HACE1: variants seen among roughly 807,000 people sequenced by gnomAD.
HACE1 encodes HECT domain and ankyrin repeat containing E3 ubiquitin protein ligase 1, also known as E3 ubiquitin-protein ligase HACE1.
In HACE1, 73 loss-of-function variants were observed where a neutral mutation model predicts 118.4. The ratio of observed to expected loss-of-function variants is 0.62; its 90% CI spans 0.51 to 0.75. HACE1 has a LOEUF of 0.75. Among genes scored for constraint, HACE1 ranks in the 30% least tolerant of loss-of-function variants. The probability of loss-of-function intolerance (pLI) is 0.00; values close to 1 mark genes in which losing one functional copy is unlikely to be tolerated. For missense variants in HACE1, 749 were observed against 1,102.2 expected (o/e 0.68, Z 4.54); for synonymous variants, 368 against 374.8 (o/e 0.98, Z 0.21).
intron 6 of HACE1, among the ~76,000 whole-genome samples, chr6:104,822,616 G>T (rs1276326688): frequency 6.6e-6 from 1 of 151,996 alleles, no homozygotes; most frequent in Non-Finnish European, 1.5e-5. Flanking sequence ...TAGCACTTTG[G>T]GAGGCCGAGG....
At chr6:104,834,882 A>G (rs956937871) in intron 5 of HACE1, among the ~76,000 whole-genome samples, 5 of 152,202 alleles carry the variant, frequency 3.3e-5, no homozygotes, top group African/African-American at 4.8e-5. Flanking sequence ...CCCCTCCCCA[A>G]CTGTGCAAGG....
At position 104,797,008 on chromosome 6, in the gene HACE1, G is replaced by C; in HGVS notation, c.635C>G (p.Thr212Arg). ...TCCTCGTAATAGTAGGATCTGTGCT[G>C]TATCTCTCTGACCATGACTGTGTGG... Reference protein sequence around the residue: ...YFACSHGQRDTAQILLLRGAK... With the variant: ...YFACSHGQRDRAQILLLRGAK... The change falls in exon 8 of 24, where the codon ACA (threonine) becomes AGA (arginine). Residue 212 changes from threonine (T) to arginine (R), a missense_variant. Coordinates refer to ENST00000262903, the MANE Select transcript of HACE1 (RefSeq NM_020771.4). The C allele has an allele frequency of 6.3e-7, 1 of 1,584,684 alleles. No homozygotes were observed. The highest frequency in any genetic ancestry group is 8.7e-7 in the Non-Finnish European group (1 of 1,153,388).
At chr6:104,786,811 G>T (rs1442218228) in intron 11 of HACE1, 1 of 152,002 alleles carries the variant, frequency 6.6e-6, no homozygotes, top group Non-Finnish European at 1.5e-5. Flanking sequence ...AATCTGACAT[G>T]ATTACAGAAT....
chr6:104,839,409 A>G (rs1774870781), intron 5 of HACE1, among the ~76,000 whole-genome samples: 2 of 152,230 alleles, frequency 1.3e-5, no homozygotes, highest in Non-Finnish European at 2.9e-5. Flanking sequence ...ACAAACAAAA[A>G]AAGCCAATCC....
intron 19 of HACE1, among the ~76,000 whole-genome samples, chr6:104,768,590 G>T (rs909044937): frequency 6.6e-6 from 1 of 150,774 alleles, no homozygotes; most frequent in Non-Finnish European, 1.5e-5. Context: ...TACTATACTG[G>T]TAACATTAGA....
intron 14 of HACE1, chr6:104,780,507 G>A (rs887945316): frequency 1.6e-5 from 5 of 311,044 alleles, no homozygotes; most frequent in Non-Finnish European, 3.1e-5. Context: ...AGAGGTAGTT[G>A]TTCTTTTTAA....
intron 1 of HACE1, among the ~76,000 whole-genome samples, chr6:104,853,732 T>G (rs1379569961): frequency 6.6e-6 from 1 of 152,168 alleles, no homozygotes; most frequent in African/African-American, 2.4e-5. Flanking sequence ...AAATAATATA[T>G]GCTCAATATC....
intron 6 of HACE1, among the ~76,000 whole-genome samples, chr6:104,812,401 C>T (rs930806327): frequency 3.3e-5 from 5 of 152,028 alleles, no homozygotes; most frequent in Non-Finnish European, 7.4e-5. Flanking sequence ...AATTATATTA[C>T]ACCACTGCAC....
intron 22 of HACE1, 42 bp downstream of exon 22, chr6:104,744,118 T>C (rs1276228615): frequency 8.0e-6 from 9 of 1,120,418 alleles, no homozygotes; most frequent in Non-Finnish European, 1.2e-5. Context: ...AAAAGCAGAA[T>C]ACATTAAATT....
chr6:104,854,889 A>G (rs1048185421), intron 1 of HACE1, among the ~76,000 whole-genome samples: 10 of 152,222 alleles, frequency 6.6e-5, no homozygotes, highest in African/African-American at 2.2e-4. Flanking sequence ...CCTTGGCAAC[A>G]TTCACAAGTT....
chr6:104,776,590 A>T (rs1781246082), intron 17 of HACE1, 151 bp downstream of exon 17: 1 of 665,668 alleles, frequency 1.5e-6, no homozygotes, highest in Non-Finnish European at 2.7e-6. Flanking sequence ...GAATGCAGAT[A>T]AAAACTCTGA....
chr6:104,782,050 T>C (rs1188687028), intron 14 of HACE1, among the ~76,000 whole-genome samples: 2 of 152,024 alleles, frequency 1.3e-5, no homozygotes, highest in Non-Finnish European at 2.9e-5. Flanking sequence ...AATTTTAATT[T>C]GGCAATTAAA....
intron 4 of HACE1, among the ~76,000 whole-genome samples, chr6:104,848,520 T>G (rs1262465602): frequency 6.6e-6 from 1 of 152,036 alleles, no homozygotes; most frequent in Non-Finnish European, 1.5e-5. Flanking sequence ...AAAAAATACT[T>G]ATTTTCATTT....
chr6:104,743,009 G>GT (rs1293743492), intron 22 of HACE1, among the ~76,000 whole-genome samples: 4 of 152,054 alleles, frequency 2.6e-5, no homozygotes, highest in African/African-American at 4.8e-5. Context: ...CATGTTCTTC[G>GT]TAGGGACATG....
chr6:104,756,328 C>T (rs1320004212), intron 19 of HACE1, among the ~76,000 whole-genome samples: 1 of 150,122 alleles, frequency 6.7e-6, no homozygotes, highest in African/African-American at 2.4e-5. Flanking sequence ...AGGAGAATTT[C>T]TTGAACCCAG....
chr6:104,795,982 G>A lies in HACE1; in HGVS notation c.817-297C>T, dbSNP rs573915227. On this transcript the variant is annotated intron_variant, in intron 9 of 23. Transcript: ENST00000262903. Reference sequence around the variant, plus strand: ...AAAACGAAAGAGAAATTTAAATTCCGCAATTTTTCTAAGACTAAAACTATC... The same window carrying A: ...AAAACGAAAGAGAAATTTAAATTCCACAATTTTTCTAAGACTAAAACTATC... 1.4e-4 allele frequency among the ~76,000 whole-genome samples: 21 copies of A among 152,182 alleles called. No individual in the cohort carries two copies. The South Asian group carries it at 2.7e-3, about 20-fold the overall frequency.
intron 19 of HACE1, among the ~76,000 whole-genome samples, chr6:104,770,641 C>T (rs1036757141): frequency 6.6e-6 from 1 of 152,138 alleles, no homozygotes; most frequent in African/African-American, 2.4e-5. Flanking sequence ...ATTGCTCGAA[C>T]CCAGGAGGCA....
intron 3 of HACE1, 62 bp from the exon 4 acceptor site, chr6:104,849,308 C>A: frequency 1.0e-6 from 1 of 992,336 alleles, no homozygotes; most frequent in South Asian, 1.3e-5. Flanking sequence ...TGATGTAGTT[C>A]AATTAAAAAA....
chr6:104,854,109 A>G (rs1004263166), intron 1 of HACE1, among the ~76,000 whole-genome samples: 2 of 152,232 alleles, frequency 1.3e-5, no homozygotes, highest in Non-Finnish European at 2.9e-5. Flanking sequence ...CCAAAAATGC[A>G]TAACTTCAAT....
Sources: allele counts gnomAD v4.1 joint callset (sites outside exome capture counted in the v4.1 genomes callset), GRCh38; gene constraint gnomAD v4.1.1; transcripts MANE v1.5; gene names NCBI Gene and HGNC (gene_info 2026-07-23, HGNC 2026-07-21).